Variants in BIRC6 observed in about 807,000 individuals in gnomAD.
The protein encoded by BIRC6 is baculoviral IAP repeat containing 6, also known as dual E2 ubiquitin-conjugating enzyme/E3 ubiquitin-protein ligase BIRC6.
BIRC6 carries 98 observed loss-of-function variants against 503.3 expected under a neutral mutation model. That is an observed-to-expected ratio of 0.19 (90% CI 0.17 to 0.23). The LOEUF (loss-of-function observed/expected upper bound fraction) is 0.23, where lower values mean the gene tolerates loss of function less well. BIRC6 is among the 10% of genes least tolerant of loss of function. The pLI is 1.00. For synonymous variants in BIRC6, 2,240 were observed against 2,078.7 expected, an observed-to-expected ratio of 1.08 and a Z score of -2.11; for missense variants, 5,360 against 5,806.0, an observed-to-expected ratio of 0.92 and a Z score of 2.50.
At chr2:32,474,102 GAA>G (rs1424542964) in intron 33 of BIRC6, among the ~76,000 whole-genome samples, 4 of 151,968 alleles carry the variant, frequency 2.6e-5, no homozygotes, top group Non-Finnish European at 5.9e-5. Flanking sequence ...GATTCTATAT[GAA>G]AATCCTTAGC....
intron 61 of BIRC6, among the ~76,000 whole-genome samples, chr2:32,535,989 T>A (rs1444180379): frequency 6.6e-6 from 1 of 152,176 alleles, no homozygotes; most frequent in Non-Finnish European, 1.5e-5. Context: ...CTTTTTAATG[T>A]TCGGCATTCT....
intron 61 of BIRC6, among the ~76,000 whole-genome samples, chr2:32,542,537 G>T (rs2057749062): frequency 2.0e-5 from 3 of 152,158 alleles, no homozygotes; most frequent in Admixed American, 2.0e-4. Flanking sequence ...ATAGCTTGGT[G>T]CCAACTAATA....
intron 1 of BIRC6, among the ~76,000 whole-genome samples, chr2:32,369,942 AAAAATATATATATATATATATAT>A (rs1209820321): frequency 5.8e-5 from 2 of 34,306 alleles, no homozygotes; most frequent in African/African-American, 3.4e-4. Context: ...AAAAAAAAAA[AAAAATATATATATATATATATAT>A]ATATATATAT....
At chr2:32,452,088 C>T (rs2046791169) in intron 22 of BIRC6, among the ~76,000 whole-genome samples, 2 of 152,056 alleles carry the variant, frequency 1.3e-5, no homozygotes. Flanking sequence ...AAGAAATTAC[C>T]ACTTGTCAAG....
At position 32,467,617 on chromosome 2, in the gene BIRC6, A is replaced by C; in HGVS notation, c.5449A>C (p.Ile1817Leu). Residue 1817 changes from isoleucine to leucine, a missense_variant, in exon 27 of 74, where the codon ATT becomes CTT. Physicochemically the swap from Ile to Leu is conservative, Grantham distance 5. This residue lies in a region of BIRC6 where 2,299 missense variants were observed against 2,267.2 expected (regional missense o/e 1.01). Coordinates refer to ENST00000421745, the MANE Select transcript of BIRC6 (RefSeq NM_016252.4). The part of the protein sequence containing the change: ...PTCGDLASLS[I>L]DIWTLGEEVD... ...TTGTGGAGACTTGGCCTCTTTGTCAATTGACATTTGGACATTAGGAGAAGA... is the reference window on the plus strand; with the variant it reads ...TTGTGGAGACTTGGCCTCTTTGTCACTTGACATTTGGACATTAGGAGAAGA... 1 of 1,613,894 alleles carries C rather than the reference A, an allele frequency of 6.2e-7. No individual in the cohort carries two copies. The highest frequency in any genetic ancestry group is 8.5e-7 in the Non-Finnish European group (1 of 1,179,866).
At position 32,442,122 on chromosome 2, in the gene BIRC6, T is replaced by C. The variant is rs150656142; in HGVS notation, c.4002T>C (p.Thr1334=). The change falls in exon 18 of 74, where the codon ACT becomes ACC. Residue 1334 remains threonine, a synonymous_variant. Transcript: ENST00000421745. ...AATTTCATGAGAAGCTTCTTAATACTCTTTGCAGAAAAACAGATGATGGCC... is the reference window on the plus strand; with the variant it reads ...AATTTCATGAGAAGCTTCTTAATACCCTTTGCAGAAAAACAGATGATGGCC... ...FSEFHEKLLN[T]LCRKTDDGQI... is the part of the protein sequence containing the mutation. 5.0e-5 allele frequency: 81 copies of C among 1,610,130 alleles called. No individual in the cohort carries two copies. The East Asian group carries it at 1.6e-3, about 32-fold the overall frequency.
At chr2:32,603,944 C>A (rs1218058570) in intron 71 of BIRC6, among the ~76,000 whole-genome samples, 1 of 151,660 alleles carries the variant, frequency 6.6e-6, no homozygotes, top group African/African-American at 2.4e-5. Flanking sequence ...AACTCAGATT[C>A]TAAGAAAACA....
Position 32,415,173 on chromosome 2 carries a change from C to G in BIRC6, c.1882C>G (p.Pro628Ala). 1 of 1,613,944 alleles carries G rather than the reference C, an allele frequency of 6.2e-7. No homozygotes were observed. Among genetic ancestry groups the G allele is most frequent in the Admixed American group, 1.7e-5 (1 of 60,016 alleles). ...LNSPLVRRTL[P>A]VLLLYSIKES... is the part of the protein sequence containing the mutation. Reference sequence around the variant, plus strand: ...TTCTCCTCTGGTAAGGAGGACTTTACCGGTTTTGCTTCTTTATAGCATCAA... The same window carrying G: ...TTCTCCTCTGGTAAGGAGGACTTTAGCGGTTTTGCTTCTTTATAGCATCAA... The change falls in exon 10 of 74, where the codon CCG becomes GCG. Residue 628 changes from proline to alanine, a missense_variant. Coordinates refer to ENST00000421745, the MANE Select transcript of BIRC6 (RefSeq NM_016252.4).
intron 41 of BIRC6, 125 bp downstream of exon 41, chr2:32,487,926 A>C: frequency 1.4e-6 from 1 of 730,220 alleles, no homozygotes; most frequent in South Asian, 2.1e-5. Flanking sequence ...CAGTTGGAAA[A>C]ATATTAGAAA....
At chr2:32,412,234 C>T (rs62136282) in intron 9 of BIRC6, among the ~76,000 whole-genome samples, 9,845 of 152,192 alleles carry the variant, frequency 0.065, 461 homozygotes, top group Admixed American at 0.14. Flanking sequence ...CATGGTGGCT[C>T]ATGTCTATAA....
chr2:32,547,839 G>T lies in BIRC6; in HGVS notation c.12811-11G>T. On this transcript the variant is annotated splice_polypyrimidine_tract_variant and intron_variant, in intron 63 of 73. Coordinates refer to ENST00000421745, the MANE Select transcript of BIRC6 (RefSeq NM_016252.4). ...AAATTGTAATGGATTTTCATTTTTT[G>T]TTATTTTAAGCCACAGGTGTCAAGC... is the stretch of plus-strand genomic sequence containing the variant. The T allele has an allele frequency of 2.0e-6, 3 of 1,531,310 alleles. No individual in the cohort carries two copies. Among genetic ancestry groups the T allele is most frequent in the Admixed American group, 2.3e-5 (1 of 43,492 alleles). 94.9% of individuals were successfully genotyped at this position (1,531,310 alleles called of 1,614,324 possible).
At chr2:32,587,185 A>G (rs2061089789) in intron 66 of BIRC6, among the ~76,000 whole-genome samples, 1 of 152,190 alleles carries the variant, frequency 6.6e-6, no homozygotes, top group Non-Finnish European at 1.5e-5. Flanking sequence ...TCAGGAGATC[A>G]AGACCAGCCT....
At chr2:32,468,203 G>T (rs2048759390) in intron 28 of BIRC6, 92 bp downstream of exon 28, 3 of 1,324,492 alleles carry the variant, frequency 2.3e-6, no homozygotes, top group Admixed American at 2.1e-5. Context: ...TCTTTTCATA[G>T]GTGTACAGAT....
At chr2:32,548,470 G>A (rs940294147) in intron 64 of BIRC6, among the ~76,000 whole-genome samples, 3 of 149,146 alleles carry the variant, frequency 2.0e-5, no homozygotes, top group South Asian at 2.1e-4. Flanking sequence ...CCAGGTTCAC[G>A]GTTGCTTACA....
chr2:32,525,889 A>G (rs1187231181), intron 59 of BIRC6, among the ~76,000 whole-genome samples: 1 of 152,156 alleles, frequency 6.6e-6, no homozygotes, highest in East Asian at 1.9e-4. Context: ...GTGCCATGAA[A>G]TGATTGATGA....
chr2:32,513,127 C>G lies in BIRC6; in HGVS notation c.10541C>G (p.Pro3514Arg). ...GAGCTGCTTGTAGAATATGACTTAC[C>G]AGCACTCCTGGACCAAGAGCTCTTT... ...SYELLVEYDLPALLDQELFEL... is the reference protein window; with the variant it reads ...SYELLVEYDLRALLDQELFEL... The change falls in exon 54 of 74, where the codon CCA becomes CGA. Residue 3514 changes from proline to arginine, a missense_variant. By Grantham distance (103) the Pro-to-Arg change is moderately radical. This residue lies in a region of BIRC6 where 878 missense variants were observed against 928.9 expected (regional missense o/e 0.95). Coordinates refer to ENST00000421745, the MANE Select transcript of BIRC6 (RefSeq NM_016252.4). The G allele has an allele frequency of 1.2e-6, 2 of 1,613,600 alleles. No individual in the cohort carries two copies. The highest frequency in any genetic ancestry group is 1.7e-6 in the Non-Finnish European group (2 of 1,179,744).
intron 42 of BIRC6, 28 bp from the exon 43 acceptor site, chr2:32,490,013 A>G: frequency 6.8e-7 from 1 of 1,463,110 alleles, no homozygotes; most frequent in Non-Finnish European, 9.5e-7. Context: ...TTTCTGAAAA[A>G]TATTTTCCCT....
At chr2:32,463,611 C>CA (rs1207879469) in intron 24 of BIRC6, among the ~76,000 whole-genome samples, 2 of 152,042 alleles carry the variant, frequency 1.3e-5, no homozygotes, top group Non-Finnish European at 2.9e-5. Flanking sequence ...ATTTTTTGTG[C>CA]AATCTTGAAG....
chr2:32,574,306 G>GTTTTACCA (rs2060116470), intron 65 of BIRC6, among the ~76,000 whole-genome samples: 3 of 151,640 alleles, frequency 2.0e-5, no homozygotes, highest in Non-Finnish European at 4.4e-5. Context: ...TTGTAGAGAT[G>GTTTTACCA]GAAGTTTTAC....
Sources: gnomAD v4.1 joint callset for allele counts (sites outside exome capture counted in the v4.1 genomes callset) on GRCh38, gnomAD v4.1.1 for gene constraint, gnomAD v4.1.1 regional missense constraint, MANE v1.5 for transcripts, NCBI Gene and HGNC (gene_info 2026-07-23, HGNC 2026-07-21) for gene names.